IL1RN: variants seen among roughly 807,000 people sequenced by gnomAD.
IL1RN encodes interleukin 1 receptor antagonist, also known as interleukin-1 receptor antagonist protein.
Under a neutral mutation model 13.7 loss-of-function variants are expected in IL1RN, and 10 were observed. That is an observed-to-expected ratio of 0.73 (90% CI 0.45 to 1.24). The LOEUF is 1.24. IL1RN is among the 50% of genes most tolerant of loss of function. The probability of loss-of-function intolerance (pLI) is 0.00; values close to 1 mark genes in which losing one functional copy is unlikely to be tolerated. For synonymous variants in IL1RN, 102 were observed against 82.7 expected (o/e 1.23, Z -1.27); for missense variants, 213 against 222.1 (o/e 0.96, Z 0.26).
chr2:113,131,475 G>A (rs1017271583), intron 3 of IL1RN, among the ~76,000 whole-genome samples: 34 of 152,086 alleles, frequency 2.2e-4, no homozygotes, highest in Non-Finnish European at 5.9e-5. Context: ...ACATGCAGGC[G>A]CTTATTATGA....
chr2:113,129,587 T>A lies in IL1RN; in HGVS notation c.128T>A (p.Val43Asp), dbSNP rs755071562. 2.5e-6 allele frequency: 4 copies of A among 1,609,054 alleles called. No homozygotes were observed. The highest frequency in any genetic ancestry group is 3.4e-6 in the Non-Finnish European group (4 of 1,175,288). The change falls in exon 2 of 4, where the codon GTT becomes GAT. Residue 43 changes from valine (V) to aspartate (D), a missense_variant. Val to Asp is a radical substitution (Grantham distance 152). Coordinates refer to ENST00000409930, the MANE Select transcript of IL1RN (RefSeq NM_173842.3). ...CTTTTCCTTTTCAGAATCTGGGATG[T>A]TAACCAGAAGACCTTCTATCTGAGG... Reference protein sequence around the residue: ...SKMQAFRIWDVNQKTFYLRNN... With the variant: ...SKMQAFRIWDDNQKTFYLRNN...
upstream of IL1RN, among the ~76,000 whole-genome samples, chr2:113,103,648 T>G (rs73955151): frequency 0.11 from 16,751 of 152,140 alleles, 1,080 homozygotes; most frequent in East Asian, 0.28. Flanking sequence ...GAGGATAAAT[T>G]TGTGTTTTAA....
upstream of IL1RN, among the ~76,000 whole-genome samples, chr2:113,104,987 C>G (rs1686366080): frequency 6.6e-6 from 1 of 152,130 alleles, no homozygotes; most frequent in Admixed American, 6.5e-5. Flanking sequence ...CACAAATTAC[C>G]ATAACACAGT....
At chr2:113,113,859 G>A (rs1187577482), upstream of IL1RN, among the ~76,000 whole-genome samples, 3 of 152,192 alleles carry the variant, frequency 2.0e-5, no homozygotes, top group Non-Finnish European at 4.4e-5. Flanking sequence ...CTGAACCCAC[G>A]GACTCATGTC....
At chr2:113,127,825 C>T (rs572782963) in intron 1 of IL1RN, 85 bp downstream of exon 1, 2 of 1,399,882 alleles carry the variant, frequency 1.4e-6, no homozygotes, top group South Asian at 2.3e-5. Context: ...CTGCCAGGCC[C>T]CAGAGGGCCT....
Position 113,132,666 on chromosome 2 carries a change from T to A in IL1RN, c.329T>A (p.Ile110Asn). The A allele has an allele frequency of 1.2e-6, 2 of 1,614,158 alleles. No individual in the cohort carries two copies. The highest frequency in any genetic ancestry group is 8.5e-7 in the Non-Finnish European group (1 of 1,179,998). ...TCTTTTGATTTCCAGGCAGTTAACA[T>A]CACTGACCTGAGCGAGAACAGAAAG... Reference protein sequence around the residue: ...ETRLQLEAVNITDLSENRKQD... With the variant: ...ETRLQLEAVNNTDLSENRKQD... Residue 110 changes from isoleucine (I) to asparagine (N), a missense_variant, in exon 4 of 4, where the codon ATC becomes AAC. Coordinates refer to ENST00000409930, the MANE Select transcript of IL1RN (RefSeq NM_173842.3).
In IL1RN at chr2:113,131,065, A is replaced by T. The variant is rs760759308; in HGVS notation, c.226A>T (p.Ile76Phe). ...NLEEKIDVVP[I>F]EPHALFLGIH... ...CCCAGAAAAGATAGATGTGGTACCC[A>T]TTGAGCCTCATGCTCTGTTCTTGGG... The change falls in exon 3 of 4, where the codon ATT becomes TTT. Residue 76 changes from isoleucine (I) to phenylalanine (F), a missense_variant. Coordinates refer to ENST00000409930, the MANE Select transcript of IL1RN (RefSeq NM_173842.3). The T allele has an allele frequency of 1.2e-6, 2 of 1,612,172 alleles. No homozygotes were observed. The highest frequency in any genetic ancestry group is 1.7e-6 in the Non-Finnish European group (2 of 1,178,300).
Position 113,133,184 on chromosome 2 carries a change from C to G in IL1RN, c.*313C>G. ...CCTGCCCAACCTGCTCTCCTCTTGC[C>G]ACTGCCTCTTCCTCCCTCATTCCAC... On this transcript the variant is annotated 3_prime_UTR_variant, in exon 4 of 4. Transcript: ENST00000409930. 2.2e-6 allele frequency: 1 copy of G among 445,908 alleles called. No homozygotes were observed. The highest frequency in any genetic ancestry group is 4.2e-6 in the Non-Finnish European group (1 of 238,980). The allele number at this position is 445,908 out of a possible 1,614,324, so 27.6% of individuals were successfully genotyped here.
upstream of IL1RN, among the ~76,000 whole-genome samples, chr2:113,103,044 C>T (rs768099743): frequency 9.8e-5 from 15 of 152,286 alleles, no homozygotes; most frequent in Middle Eastern, 3.4e-3. Context: ...ACTACTTGAT[C>T]GGACAATACT....
chr2:113,100,430 A>T, the IL1RN span, among the ~76,000 whole-genome samples: 1 of 152,174 alleles, frequency 6.6e-6, no homozygotes, highest in Non-Finnish European at 1.5e-5. Flanking sequence ...GTCACAAGAG[A>T]AGCAGCAAAT....
At chr2:113,120,908 G>C (rs1030170617) in intron 2 of IL1RN, among the ~76,000 whole-genome samples, 1 of 152,154 alleles carries the variant, frequency 6.6e-6, no homozygotes, top group Non-Finnish European at 1.5e-5. Context: ...TTTCAATCCT[G>C]GCCTGGCCAG....
chr2:113,113,718 A>G (rs1686541300), upstream of IL1RN, among the ~76,000 whole-genome samples: 1 of 152,208 alleles, frequency 6.6e-6, no homozygotes, highest in Non-Finnish European at 1.5e-5. Context: ...TAAATATTAA[A>G]TATGTACAGC....
At chr2:113,120,161 A>G in intron 2 of IL1RN, 2 of 1,456,220 alleles carry the variant, frequency 1.4e-6, no homozygotes, top group Non-Finnish European at 1.9e-6. Context: ...GTTTGAAAAC[A>G]ATTTTAGGCT....
upstream of IL1RN, chr2:113,107,328 A>C (rs1030758841): frequency 2.0e-5 from 3 of 152,256 alleles, no homozygotes; most frequent in Non-Finnish European, 4.4e-5. Context: ...GTGGAATGAC[A>C]GCTGACTTCT....
upstream of IL1RN, among the ~76,000 whole-genome samples, chr2:113,109,011 A>G (rs1686428936): frequency 6.6e-6 from 1 of 152,194 alleles, no homozygotes; most frequent in East Asian, 1.9e-4. Context: ...CAGAGTATAT[A>G]ACTTCTAAAT....
chr2:113,109,682 C>T (rs545485448), upstream of IL1RN, among the ~76,000 whole-genome samples: 58 of 150,790 alleles, frequency 3.8e-4, no homozygotes, highest in African/African-American at 1.3e-3. Flanking sequence ...AAAACACTAA[C>T]AGGAAGGGGG....
At position 113,132,865 on chromosome 2, in the gene IL1RN, C is replaced by T. The variant is rs192597507; in HGVS notation, c.528C>T (p.Asp176=). ...TCACCAAATTCTACTTCCAGGAGGA[C>T]GAGTAGTACTGCCCAGGCCTGCCTG... ...VMVTKFYFQE[D]E Residue 176 remains aspartate, a synonymous_variant, in exon 4 of 4, where the codon GAC becomes GAT. Coordinates refer to ENST00000409930, the MANE Select transcript of IL1RN (RefSeq NM_173842.3). 3.5e-5 allele frequency: 57 copies of T among 1,613,874 alleles called. No homozygotes were observed. Among genetic ancestry groups the T allele is most frequent in the Middle Eastern group, 1.7e-4 (1 of 6,060 alleles).
Position 113,129,659 on chromosome 2 carries a change from T to A in IL1RN, c.200T>A (p.Leu67Ter). ...AGYLQGPNVN[L>*]EEKIDVVPIE... ...TACTTGCAAGGACCAAATGTCAATTTAGAAGGTGAGTGGTTGCCAGGAAAG... is the reference window on the plus strand; with the variant it reads ...TACTTGCAAGGACCAAATGTCAATTAAGAAGGTGAGTGGTTGCCAGGAAAG... Residue 67 changes from leucine to a stop codon, truncating the protein, a stop_gained, in exon 2 of 4, where the codon TTA (leucine) becomes TAA (stop). Transcript: ENST00000409930. LOFTEE classifies it high-confidence loss of function. The A allele has an allele frequency of 6.2e-7, 1 of 1,607,974 alleles. No homozygotes were observed. Among genetic ancestry groups the A allele is most frequent in the Non-Finnish European group, 8.5e-7 (1 of 1,174,228 alleles).
chr2:113,117,609 A>G (rs1686624066), upstream of IL1RN: 1 of 284,852 alleles, frequency 3.5e-6, no homozygotes, highest in Admixed American at 4.7e-5. Context: ...AAGCCAACAC[A>G]TATGTTTTGA....
Sources: gnomAD v4.1 joint callset for allele counts (sites outside exome capture counted in the v4.1 genomes callset) on GRCh38, gnomAD v4.1.1 for gene constraint, MANE v1.5 for transcripts, NCBI Gene and HGNC (gene_info 2026-07-23, HGNC 2026-07-21) for gene names.